The following FGF13 variants were observed in gnomAD, a reference collection of about 807,000 sequenced individuals.
FGF13 encodes the protein fibroblast growth factor 13.
FGF13 carries 2 observed loss-of-function variants against 19.5 expected under a neutral mutation model. That is an observed-to-expected ratio of 0.10 (90% CI 0.04 to 0.32). The LOEUF is 0.32. Ranked by LOEUF, FGF13 falls within the 10% of genes least tolerant of loss-of-function variation. The pLI is 1.00. For missense variants in FGF13, 113 were observed against 192.7 expected (o/e 0.59, Z 2.45); for synonymous variants, 72 against 76.9 (o/e 0.94, Z 0.33).
At chrX:139,122,940 C>T (rs1225701409) in intron 1 of FGF13, among the ~76,000 whole-genome samples, 1 of 111,752 alleles carries the variant, frequency 8.9e-6, no homozygotes, top group African/African-American at 3.3e-5. Context: ...GTCCTGTGCA[C>T]TGTAGAATGT....
rs189157540 is a variant in FGF13, at chrX:138,873,576, C to T, written c.-112-8926G>A. Among the ~76,000 whole-genome samples the T allele has an allele frequency of 7.0e-3, 780 of 111,597 alleles. 5 individuals are homozygous for T. The highest frequency in any genetic ancestry group is 0.011 in the Non-Finnish European group (562 of 53,129). On this transcript the variant is annotated intron_variant, in intron 1 of 2. Coordinates refer to the FGF13 transcript ENST00000421460. ...CCACACTGGGAGGCAGCACAAGCTT[C>T]CCAAATCTTACCTCCCTGTCTTTTC...
intron 1 of FGF13, among the ~76,000 whole-genome samples, chrX:139,143,485 C>T (rs1030311249): frequency 1.8e-5 from 2 of 112,021 alleles, no homozygotes; most frequent in East Asian, 2.8e-4. Flanking sequence ...TGGTTTTATC[C>T]GAATGGACAT....
At chrX:139,178,157 G>A (rs961428251) in intron 1 of FGF13, among the ~76,000 whole-genome samples, 9 of 112,095 alleles carry the variant, frequency 8.0e-5, no homozygotes, top group Non-Finnish European at 1.1e-4. Flanking sequence ...GTTCCTATTC[G>A]GCCATCTTGC....
intron 1 of FGF13, among the ~76,000 whole-genome samples, chrX:139,045,433 C>T (rs1160244555): frequency 1.8e-5 from 2 of 112,553 alleles, no homozygotes. Context: ...TATGCAAATA[C>T]CTCTAGCAAG....
chrX:138,820,755 T>C (rs1374544801), intron 3 of FGF13, among the ~76,000 whole-genome samples: 2 of 111,828 alleles, frequency 1.8e-5, no homozygotes. Context: ...AAGCTTCTTA[T>C]AGTAAATGGC....
In FGF13 at chrX:138,644,469, G is replaced by A. The variant is rs1481269585; in HGVS notation, c.403-8814C>T. ...ATTTTTGTATTTTTTTAGTAGAGAC[G>A]GGGTTTTACCATGTTGGCCAGGCTG... On this transcript the variant is annotated intron_variant, in intron 3 of 4. Coordinates refer to ENST00000315930, the MANE Select transcript of FGF13 (RefSeq NM_004114.5). Among the ~76,000 whole-genome samples the A allele has an allele frequency of 8.2e-5, 9 of 110,157 alleles. No homozygotes were observed. The East Asian group carries it at 8.6e-4, about 11-fold the overall frequency.
chrX:138,730,334 A>G (rs2090219287), intron 1 of FGF13, among the ~76,000 whole-genome samples: 1 of 111,440 alleles, frequency 9.0e-6, no homozygotes, highest in South Asian at 3.7e-4. Flanking sequence ...TTAAAGTATA[A>G]TAATAAAAAA....
chrX:138,779,220 C>A (rs1277368803), intron 3 of FGF13, among the ~76,000 whole-genome samples: 2 of 110,361 alleles, frequency 1.8e-5, no homozygotes, highest in Non-Finnish European at 3.8e-5. Context: ...GGGGAAAAAA[C>A]AGAACAGAAA....
chrX:138,835,975 TA>T (rs1179485740), intron 3 of FGF13, among the ~76,000 whole-genome samples: 64 of 104,801 alleles, frequency 6.1e-4, no homozygotes, highest in Non-Finnish European at 5.5e-4. Context: ...TGTTGAATGT[TA>T]AAAAAAAAAA....
chrX:139,008,125 TCCCAAAGGC>T (rs1485808740), intron 1 of FGF13, among the ~76,000 whole-genome samples: 1 of 111,834 alleles, frequency 8.9e-6, no homozygotes, highest in Non-Finnish European at 1.9e-5. Flanking sequence ...CACACCCCCT[TCCCAAAGGC>T]AGCCACAGGA....
chrX:138,960,246 G>T (rs777076606), intron 1 of FGF13, among the ~76,000 whole-genome samples: 194 of 111,695 alleles, frequency 1.7e-3, no homozygotes, highest in African/African-American at 6.0e-3. Flanking sequence ...GCATTTGCTT[G>T]TCTGTAAAGG....
At chrX:138,734,531 G>A (rs1447214441) in intron 1 of FGF13, among the ~76,000 whole-genome samples, 1 of 111,664 alleles carries the variant, frequency 9.0e-6, no homozygotes, top group Non-Finnish European at 1.9e-5. Flanking sequence ...CATATGATTG[G>A]TTTAGCCAGT....
At chrX:138,766,793 G>T (rs972201244) in intron 3 of FGF13, among the ~76,000 whole-genome samples, 1 of 112,187 alleles carries the variant, frequency 8.9e-6, no homozygotes, top group Non-Finnish European at 1.9e-5. Context: ...TCATGTTATA[G>T]TTTGAGGTCT....
intron 3 of FGF13, among the ~76,000 whole-genome samples, chrX:138,752,231 A>T (rs2090403427): frequency 9.0e-6 from 1 of 111,308 alleles, no homozygotes; most frequent in Admixed American, 9.6e-5. Flanking sequence ...GTTGGACACC[A>T]GACTGACCAA....
At chrX:139,068,469 G>A (rs1415064459) in intron 1 of FGF13, among the ~76,000 whole-genome samples, 2 of 103,264 alleles carry the variant, frequency 1.9e-5, no homozygotes, top group African/African-American at 3.8e-5. Flanking sequence ...GGCGATGCGG[G>A]CTCTTTTTTG....
At chrX:138,679,893 G>A (rs763362095) in intron 3 of FGF13, among the ~76,000 whole-genome samples, 2 of 112,021 alleles carry the variant, frequency 1.8e-5, no homozygotes. Context: ...TGTATGATAT[G>A]ACTTTACCCA....
At position 139,043,488 on chromosome X, in the gene FGF13, C is replaced by T. The variant is rs142055139; in HGVS notation, c.-113+159928G>A. ...TCGGCTTCCCAAAGTGCTGGGATTACAGGTGTGAGCCACCGCACCTGGCTG... is the reference window on the plus strand; with the variant it reads ...TCGGCTTCCCAAAGTGCTGGGATTATAGGTGTGAGCCACCGCACCTGGCTG... On this transcript the variant is annotated intron_variant, in intron 1 of 2. Transcript: ENST00000421460. 8.1e-3 allele frequency among the ~76,000 whole-genome samples: 901 copies of T among 111,028 alleles called. 12 individuals are homozygous for T. The highest frequency in any genetic ancestry group is 0.028 in the African/African-American group (854 of 30,319).
chrX:138,781,950 C>A (rs1188299103), intron 3 of FGF13, among the ~76,000 whole-genome samples: 1 of 111,925 alleles, frequency 8.9e-6, no homozygotes, highest in Non-Finnish European at 1.9e-5. Flanking sequence ...CATCAAAAAG[C>A]TTATCCACCA....
chrX:138,983,434 G>A (rs201940694), intron 1 of FGF13, among the ~76,000 whole-genome samples: 2 of 19,256 alleles, frequency 1.0e-4, no homozygotes, highest in African/African-American at 1.4e-4. Context: ...ATATATATAT[G>A]AGTTTATTTC....
Sources: allele counts gnomAD v4.1 joint callset (sites outside exome capture counted in the v4.1 genomes callset), GRCh38; gene constraint gnomAD v4.1.1; transcripts MANE v1.5; gene names NCBI Gene and HGNC (gene_info 2026-07-23, HGNC 2026-07-21).